ERBB4: variants seen among roughly 807,000 people sequenced by gnomAD.
ERBB4 encodes the protein erb-b2 receptor tyrosine kinase 4.
Under a neutral mutation model 158.0 loss-of-function variants are expected in ERBB4, and 42 were observed. The ratio of observed to expected loss-of-function variants is 0.27; its 90% CI spans 0.21 to 0.34. ERBB4 has a LOEUF of 0.34. Among genes scored for constraint, ERBB4 ranks in the 10% least tolerant of loss-of-function variants. The pLI is 1.00. For synonymous variants in ERBB4, 583 were observed against 558.7 expected, an observed-to-expected ratio of 1.04 and a Z score of -0.61; for missense variants, 1,333 against 1,624.1, an observed-to-expected ratio of 0.82 and a Z score of 3.08.
intron 1 of ERBB4, among the ~76,000 whole-genome samples, chr2:212,456,997 TTACTC>T (rs909971744): frequency 5.9e-5 from 9 of 151,980 alleles, no homozygotes; most frequent in Admixed American, 6.6e-5. Context: ...ACCACAGTAT[TTACTC>T]TACAGGTGCC....
At chr2:211,810,148 G>T (rs2076715782) in intron 3 of ERBB4, among the ~76,000 whole-genome samples, 1 of 152,198 alleles carries the variant, frequency 6.6e-6, no homozygotes, top group South Asian at 2.1e-4. Flanking sequence ...ATGTGGTGCT[G>T]AGAAGAATGT....
At chr2:212,434,377 T>C (rs954697971) in intron 1 of ERBB4, among the ~76,000 whole-genome samples, 8 of 152,000 alleles carry the variant, frequency 5.3e-5, no homozygotes, top group Non-Finnish European at 1.2e-4. Context: ...TTATGGATAC[T>C]ACAAGTCTTC....
chr2:212,118,001 A>T lies in ERBB4; in HGVS notation c.234+6751T>A, dbSNP rs2079620587. On this transcript the variant is annotated intron_variant, in intron 2 of 27. Transcript: ENST00000342788. ...TTTATTTTGAAATATGTACTCTTCA[A>T]TGTAGGGTTTTTCTAAATCATGCTA... Among the ~76,000 whole-genome samples the T allele has an allele frequency of 2.0e-5, 3 of 152,176 alleles. No individual in the cohort carries two copies. In the South Asian group the frequency reaches 6.2e-4, roughly 31 times the overall value.
At chr2:211,969,595 C>T (rs530139309) in intron 2 of ERBB4, among the ~76,000 whole-genome samples, 2 of 152,114 alleles carry the variant, frequency 1.3e-5, no homozygotes, top group Admixed American at 6.5e-5. Flanking sequence ...CCCTATTACC[C>T]AGCATGGCTT....
intron 19 of ERBB4, among the ~76,000 whole-genome samples, chr2:211,595,350 A>T (rs1487102843): frequency 6.6e-6 from 1 of 152,192 alleles, no homozygotes; most frequent in East Asian, 1.9e-4. Context: ...ATTTTTAAAG[A>T]CTTGAAAAAC....
intron 25 of ERBB4, among the ~76,000 whole-genome samples, chr2:211,413,021 T>G (rs1426843582): frequency 6.7e-6 from 1 of 150,338 alleles, no homozygotes; most frequent in African/African-American, 2.4e-5. Context: ...TTAGGCCCAG[T>G]GCTGTGGCTC....
rs116039313 is a variant in ERBB4, at chr2:211,750,617, G to A, written c.622+22C>T. On this transcript the variant is annotated intron_variant, in intron 5 of 27. Transcript: ENST00000342788. ...TTCCTTGACCACATCAAACCTGTGT[G>A]CTCTCACTGATGAACACTTACAAGT... The A allele has an allele frequency of 2.6e-3, 4,236 of 1,603,948 alleles. 111 individuals are homozygous for A. In the African/African-American group the frequency reaches 0.051, roughly 19 times the overall value.
intron 3 of ERBB4, among the ~76,000 whole-genome samples, chr2:211,922,894 TG>T (rs1215719385): frequency 6.6e-6 from 1 of 152,134 alleles, no homozygotes; most frequent in African/African-American, 2.4e-5. Flanking sequence ...TAGTATATTC[TG>T]GGAATGAAAG....
chr2:212,059,851 C>G (rs1028339449), intron 2 of ERBB4, among the ~76,000 whole-genome samples: 6 of 152,080 alleles, frequency 3.9e-5, no homozygotes, highest in Admixed American at 3.9e-4. Flanking sequence ...AGAAGAAAAC[C>G]TAGACAATAC....
chr2:212,446,217 G>A (rs1032995356), intron 1 of ERBB4, among the ~76,000 whole-genome samples: 7 of 152,016 alleles, frequency 4.6e-5, no homozygotes, highest in African/African-American at 1.7e-4. Context: ...TTAATACTGA[G>A]TGTCAACTTG....
chr2:212,147,036 G>T (rs1296962141), intron 1 of ERBB4, among the ~76,000 whole-genome samples: 1 of 133,582 alleles, frequency 7.5e-6, no homozygotes, highest in Non-Finnish European at 1.5e-5. Flanking sequence ...TGTTGCCCAG[G>T]CTGTCTTGCA....
chr2:212,373,724 C>CATAT (rs545859352), intron 1 of ERBB4, among the ~76,000 whole-genome samples: 2 of 136,256 alleles, frequency 1.5e-5, no homozygotes, highest in African/African-American at 5.7e-5. Flanking sequence ...CATATATATC[C>CATAT]ATATATATAT....
chr2:211,477,646 G>C (rs2064988106), intron 20 of ERBB4, among the ~76,000 whole-genome samples: 1 of 152,024 alleles, frequency 6.6e-6, no homozygotes, highest in South Asian at 2.1e-4. Flanking sequence ...CTAGATCTGT[G>C]TTAGATTTTT....
chr2:211,821,157 T>C (rs2076987461), intron 3 of ERBB4, among the ~76,000 whole-genome samples: 1 of 151,786 alleles, frequency 6.6e-6, no homozygotes, highest in Non-Finnish European at 1.5e-5. Flanking sequence ...ATCTGAAGAC[T>C]ACCAAAAAAC....
chr2:211,864,213 T>A (rs554203200), intron 3 of ERBB4, among the ~76,000 whole-genome samples: 1 of 152,236 alleles, frequency 6.6e-6, no homozygotes, highest in African/African-American at 2.4e-5. Flanking sequence ...CTCCTTCTTT[T>A]CTGGGATGCT....
At chr2:211,396,210 C>T (rs1291813987) in intron 25 of ERBB4, among the ~76,000 whole-genome samples, 1 of 151,936 alleles carries the variant, frequency 6.6e-6, no homozygotes, top group Non-Finnish European at 1.5e-5. Context: ...TATTAATATA[C>T]ATGCTAAGAA....
chr2:212,343,977 T>G (rs1409784286), intron 1 of ERBB4, among the ~76,000 whole-genome samples: 1 of 152,172 alleles, frequency 6.6e-6, no homozygotes. Flanking sequence ...TATAATTGCT[T>G]TATCTTAAAA....
chr2:211,893,419 T>G (rs2125011451), intron 3 of ERBB4, among the ~76,000 whole-genome samples: 1 of 141,300 alleles, frequency 7.1e-6, no homozygotes, highest in South Asian at 2.1e-4. Context: ...TCAAGATGGA[T>G]TAAAGATTTA....
chr2:212,003,206 ACAG>A (rs1559293981), intron 2 of ERBB4, among the ~76,000 whole-genome samples: 10 of 47,042 alleles, frequency 2.1e-4, no homozygotes, highest in East Asian at 1.5e-3. Context: ...AGAAAGAAAG[ACAG>A]AAAGAAGGAA....
Sources: allele counts gnomAD v4.1 joint callset (sites outside exome capture counted in the v4.1 genomes callset), GRCh38; gene constraint gnomAD v4.1.1; transcripts MANE v1.5; gene names NCBI Gene and HGNC (gene_info 2026-07-23, HGNC 2026-07-21).